NXPE2: variants seen among roughly 807,000 people sequenced by gnomAD.
NXPE2 encodes NXPE family member 2.
A neutral mutation model predicts 34.4 loss-of-function variants in NXPE2; 34 were observed. The observed-to-expected ratio is 0.99, with a 90% CI of 0.75 to 1.31. The LOEUF (loss-of-function observed/expected upper bound fraction) is 1.31, where lower values mean the gene tolerates loss of function less well. NXPE2 is among the 40% of genes most tolerant of loss of function. NXPE2 has a pLI of 0.00. For missense variants in NXPE2, 649 were observed against 672.5 expected, an observed-to-expected ratio of 0.97 and a Z score of 0.39; for synonymous variants, 235 against 231.3, an observed-to-expected ratio of 1.02 and a Z score of -0.15.
the NXPE2 span, among the ~76,000 whole-genome samples, chr11:114,524,062 T>A: frequency 6.6e-6 from 1 of 152,240 alleles, no homozygotes; most frequent in African/African-American, 2.4e-5. Context: ...ACATTCTTAC[T>A]GTGTGGCTTT....
At chr11:114,721,961 G>A in the NXPE2 span, among the ~76,000 whole-genome samples, 2 of 152,172 alleles carry the variant, frequency 1.3e-5, no homozygotes, top group East Asian at 1.9e-4. Context: ...AGTAAAACAA[G>A]GGTGCACTAG....
At chr11:114,650,793 C>CT in the NXPE2 span, among the ~76,000 whole-genome samples, 1 of 151,834 alleles carries the variant, frequency 6.6e-6, no homozygotes, top group East Asian at 1.9e-4. Context: ...GAAAGACTCT[C>CT]TCTAAGTTCC....
At chr11:114,530,467 G>T in the NXPE2 span, 3 of 1,614,236 alleles carry the variant, frequency 1.9e-6, no homozygotes, top group Non-Finnish European at 2.5e-6. Flanking sequence ...TGGATGAGCA[G>T]CAGAGACAGG....
chr11:114,538,135 A>G, the NXPE2 span, among the ~76,000 whole-genome samples: 1 of 152,204 alleles, frequency 6.6e-6, no homozygotes, highest in Non-Finnish European at 1.5e-5. Flanking sequence ...CATATCTACA[A>G]CTATCTGATC....
chr11:114,781,293 G>A, the NXPE2 span, among the ~76,000 whole-genome samples: 1 of 152,212 alleles, frequency 6.6e-6, no homozygotes, highest in South Asian at 2.1e-4. Context: ...AGGGAGCAGG[G>A]CACAGAAGAC....
At chr11:114,510,472 T>G in the NXPE2 span, among the ~76,000 whole-genome samples, 1 of 152,176 alleles carries the variant, frequency 6.6e-6, no homozygotes, top group African/African-American at 2.4e-5. Context: ...TTCTCCTGCC[T>G]TAGGCTCCCA....
chr11:114,521,245 C>A, the NXPE2 span, among the ~76,000 whole-genome samples: 2 of 152,206 alleles, frequency 1.3e-5, no homozygotes, highest in Non-Finnish European at 2.9e-5. Flanking sequence ...ACTCCACTTA[C>A]GACACATGAG....
the NXPE2 span, among the ~76,000 whole-genome samples, chr11:114,472,502 G>C: frequency 3.3e-4 from 51 of 152,300 alleles, no homozygotes; most frequent in African/African-American, 1.2e-3. Flanking sequence ...CTGTGGATTG[G>C]ACAAGCTTGT....
the NXPE2 span, among the ~76,000 whole-genome samples, chr11:114,603,123 A>G: frequency 6.6e-6 from 1 of 151,902 alleles, no homozygotes; most frequent in Non-Finnish European, 1.5e-5. Flanking sequence ...AACTACTATT[A>G]TCTAGTGGAT....
chr11:114,715,757 C>T, the NXPE2 span, among the ~76,000 whole-genome samples: 1 of 152,070 alleles, frequency 6.6e-6, no homozygotes, highest in Admixed American at 6.6e-5. Context: ...TGTTTAAATG[C>T]TTTTCTTTGA....
chr11:114,654,982 A>G, the NXPE2 span, among the ~76,000 whole-genome samples: 2 of 152,018 alleles, frequency 1.3e-5, no homozygotes, highest in African/African-American at 2.4e-5. Flanking sequence ...GCCAGCACCT[A>G]TTGTTTCCTG....
At chr11:114,701,100 C>T (rs1358802604) in intron 3 of NXPE2, among the ~76,000 whole-genome samples, 1 of 152,096 alleles carries the variant, frequency 6.6e-6, no homozygotes, top group African/African-American at 2.4e-5. Flanking sequence ...TCTTTATCCC[C>T]TATGGCTCAG....
the NXPE2 span, among the ~76,000 whole-genome samples, chr11:114,767,888 C>T: frequency 6.6e-6 from 1 of 152,178 alleles, no homozygotes; most frequent in Admixed American, 6.6e-5. Flanking sequence ...CTTGGGTTTA[C>T]ATCTTTCTTC....
At chr11:114,480,383 G>C in the NXPE2 span, among the ~76,000 whole-genome samples, 1 of 152,326 alleles carries the variant, frequency 6.6e-6, no homozygotes, top group African/African-American at 2.4e-5. Context: ...TTCTAGGATA[G>C]ATAAATGAAT....
chr11:114,479,241 C>T, the NXPE2 span, among the ~76,000 whole-genome samples: 1 of 152,096 alleles, frequency 6.6e-6, no homozygotes, highest in African/African-American at 2.4e-5. Flanking sequence ...GCTATAAAGC[C>T]TTTGAACGTT....
intron 2 of NXPE2, among the ~76,000 whole-genome samples, chr11:114,683,072 T>C (rs2135534966): frequency 6.6e-6 from 1 of 152,238 alleles, no homozygotes; most frequent in South Asian, 2.1e-4. Flanking sequence ...TATAAGTGGT[T>C]TTTTAAATAT....
the NXPE2 span, among the ~76,000 whole-genome samples, chr11:114,627,218 C>T: frequency 2.6e-5 from 4 of 152,106 alleles, no homozygotes; most frequent in African/African-American, 9.6e-5. Context: ...ACATAATTGT[C>T]AGATTCACCA....
chr11:114,492,382 C>A, the NXPE2 span, among the ~76,000 whole-genome samples: 1 of 151,936 alleles, frequency 6.6e-6, no homozygotes, highest in Non-Finnish European at 1.5e-5. Context: ...TTAAAAAAGT[C>A]TTTAAAGGCT....
the NXPE2 span, among the ~76,000 whole-genome samples, chr11:114,772,067 C>T: frequency 6.6e-6 from 1 of 152,190 alleles, no homozygotes; most frequent in Non-Finnish European, 1.5e-5. Flanking sequence ...ATGTGGGCTC[C>T]TGCCATGAAA....
Sources: gnomAD v4.1 joint callset for allele counts (sites outside exome capture counted in the v4.1 genomes callset) on GRCh38, gnomAD v4.1.1 for gene constraint, MANE v1.5 for transcripts, NCBI Gene and HGNC (gene_info 2026-07-23, HGNC 2026-07-21) for gene names.